SYT16: variants seen among roughly 807,000 people sequenced by gnomAD.
SYT16 encodes the protein synaptotagmin 16.
In SYT16, 42 loss-of-function variants were observed where a neutral mutation model predicts 61.4. That is an observed-to-expected ratio of 0.68 (90% CI 0.53 to 0.89). The LOEUF (loss-of-function observed/expected upper bound fraction) is 0.89. SYT16 is among the 40% of genes least tolerant of loss of function. The pLI is 0.00. For missense variants in SYT16, 804 were observed against 807.3 expected (o/e 1.00, Z 0.05); for synonymous variants, 314 against 302.3 (o/e 1.04, Z -0.40).
intron 3 of SYT16, among the ~76,000 whole-genome samples, chr14:62,030,967 G>T (rs1315178367): frequency 6.6e-6 from 1 of 152,164 alleles, no homozygotes; most frequent in African/African-American, 2.4e-5. Flanking sequence ...TGCTAACTTA[G>T]CTGCCTCAGT....
intron 1 of SYT16, among the ~76,000 whole-genome samples, chr14:61,831,116 A>C (rs1329853507): frequency 1.3e-5 from 2 of 152,222 alleles, no homozygotes; most frequent in African/African-American, 4.8e-5. Flanking sequence ...GGTTGTCACA[A>C]CTGGAGGGTT....
At chr14:61,978,287 A>G (rs1393108066) in intron 2 of SYT16, among the ~76,000 whole-genome samples, 1 of 152,192 alleles carries the variant, frequency 6.6e-6, no homozygotes, top group Non-Finnish European at 1.5e-5. Flanking sequence ...TCAAATAAGG[A>G]GAGTTGATGA....
rs1416474055 is a variant in SYT16, at chr14:62,108,928, A to G, written c.*8221A>G. The stretch of plus-strand genomic sequence containing the variant: ...TTCACAGCAAAATTGATCCTAAAAT[A>G]TAGAGTTCTCATATACTCCAAACAC... On this transcript the variant is annotated 3_prime_UTR_variant, in exon 8 of 8. Coordinates refer to ENST00000683842, the MANE Select transcript of SYT16 (RefSeq NM_001367656.1). 1 of 152,204 alleles carries G rather than the reference A, an allele frequency of 6.6e-6. No individual in the cohort carries two copies. The highest frequency in any genetic ancestry group is 1.5e-5 in the Non-Finnish European group (1 of 68,036). The allele number at this position is 152,204 out of a possible 1,614,324, so 9.4% of individuals were successfully genotyped here.
chr14:61,837,989 A>G (rs541587637), intron 1 of SYT16, among the ~76,000 whole-genome samples: 33 of 152,240 alleles, frequency 2.2e-4, no homozygotes, highest in Non-Finnish European at 4.4e-4. Flanking sequence ...TATATATGCA[A>G]GAAATTTCGT....
chr14:61,888,791 A>G (rs1271660508), intron 1 of SYT16, among the ~76,000 whole-genome samples: 5 of 151,644 alleles, frequency 3.3e-5, no homozygotes, highest in South Asian at 4.2e-4. Flanking sequence ...AAAAAAAGCA[A>G]TATCTGTGAA....
At position 62,069,829 on chromosome 14, in the gene SYT16, C is replaced by T. The variant is rs780598561; in HGVS notation, c.736+14C>T. 1.2e-6 allele frequency: 2 copies of T among 1,612,608 alleles called. No individual in the cohort carries two copies. Among genetic ancestry groups the T allele is most frequent in the Admixed American group, 3.3e-5 (2 of 60,010 alleles). ...CTGCCTGCGAAGGTATCCTTTGCCT[C>T]ACATCCTTTCTTTAGACCAGGGATG... On this transcript the variant is annotated intron_variant, in intron 4 of 7. Transcript: ENST00000683842.
At chr14:62,065,445 T>A (rs1362080311) in intron 3 of SYT16, among the ~76,000 whole-genome samples, 1 of 152,166 alleles carries the variant, frequency 6.6e-6, no homozygotes, top group African/African-American at 2.4e-5. Context: ...TTATAACTAC[T>A]GTATGATTGT....
At chr14:61,981,408 G>A (rs919744599) in intron 2 of SYT16, among the ~76,000 whole-genome samples, 3 of 152,062 alleles carry the variant, frequency 2.0e-5, no homozygotes, top group Admixed American at 6.6e-5. Context: ...TTATGGTGGG[G>A]AGGTTGGGAA....
chr14:62,109,553 T>C lies in SYT16; in HGVS notation c.*8846T>C, dbSNP rs999809869. Reference sequence around the variant, plus strand: ...TAGAATAAATTTCACCTATATGATATTGAGCTTGTTTTACATTGGGGGAGG... The same window carrying C: ...TAGAATAAATTTCACCTATATGATACTGAGCTTGTTTTACATTGGGGGAGG... On this transcript the variant is annotated 3_prime_UTR_variant, in exon 8 of 8. Coordinates refer to ENST00000683842, the MANE Select transcript of SYT16 (RefSeq NM_001367656.1). The C allele has an allele frequency of 1.3e-5, 2 of 152,140 alleles. No individual in the cohort carries two copies. Among genetic ancestry groups the C allele is most frequent in the Non-Finnish European group, 2.9e-5 (2 of 68,030 alleles). 9.4% of individuals were successfully genotyped at this position (152,140 alleles called of 1,614,324 possible).
chr14:62,087,759 C>T (rs2056934504), intron 7 of SYT16, among the ~76,000 whole-genome samples: 1 of 151,574 alleles, frequency 6.6e-6, no homozygotes. Flanking sequence ...ACTGAACAAA[C>T]AGTAGATGAA....
At chr14:61,862,388 G>C (rs1258576107) in intron 1 of SYT16, among the ~76,000 whole-genome samples, 5 of 152,060 alleles carry the variant, frequency 3.3e-5, no homozygotes, top group African/African-American at 1.2e-4. Context: ...TTTGTGTCTG[G>C]CTTCTTTCAC....
chr14:61,847,144 T>C (rs936812363), intron 1 of SYT16, among the ~76,000 whole-genome samples: 1 of 152,210 alleles, frequency 6.6e-6, no homozygotes, highest in African/African-American at 2.4e-5. Flanking sequence ...TACCAGTGAG[T>C]TTTACACCTT....
chr14:61,834,213 C>T (rs569652456), intron 1 of SYT16, among the ~76,000 whole-genome samples: 1 of 152,044 alleles, frequency 6.6e-6, no homozygotes, highest in African/African-American at 2.4e-5. Flanking sequence ...TCACTGTAAC[C>T]TCCACCTCCC....
intron 1 of SYT16, chr14:61,832,083 CCCCTGTTCATCT>C: frequency 1.4e-6 from 1 of 726,880 alleles, no homozygotes; most frequent in South Asian, 1.4e-5. Context: ...CTCGTTCACG[CCCCTGTTCATCT>C]CAGCAAAGCT....
chr14:62,082,479 C>T (rs1399724525), intron 6 of SYT16, among the ~76,000 whole-genome samples: 1 of 152,174 alleles, frequency 6.6e-6, no homozygotes, highest in African/African-American at 2.4e-5. Context: ...CCTATTGGCT[C>T]TATCTTCAGG....
rs74057506 is a variant in SYT16 at position 61,822,769 on chromosome 14, C to T, written c.-325+9959C>T. On this transcript the variant is annotated intron_variant, in intron 1 of 7. Coordinates refer to ENST00000683842, the MANE Select transcript of SYT16 (RefSeq NM_001367656.1). ...AAAAATGAAAACACTCAAATTGTCT[C>T]ATTTTTGGAAAAATTAAAAAACACA... is the stretch of plus-strand genomic sequence containing the variant. Among the ~76,000 whole-genome samples, 879 of 152,244 alleles carry T rather than the reference C, an allele frequency of 5.8e-3. 5 individuals are homozygous for T. Among genetic ancestry groups the T allele is most frequent in the African/African-American group, 0.02 (839 of 41,532 alleles).
chr14:61,924,100 G>A (rs2049442948), intron 1 of SYT16, among the ~76,000 whole-genome samples: 1 of 152,180 alleles, frequency 6.6e-6, no homozygotes. Context: ...AAGTTGAAGT[G>A]GTGAGTCTTG....
intron 1 of SYT16, among the ~76,000 whole-genome samples, chr14:61,906,047 G>A (rs536886599): frequency 2.3e-4 from 35 of 152,278 alleles, no homozygotes; most frequent in Non-Finnish European, 3.4e-4. Flanking sequence ...GAGCCACCGC[G>A]CCCAGCCATG....
intron 7 of SYT16, among the ~76,000 whole-genome samples, chr14:62,091,121 T>TA (rs760269860): frequency 2.0e-5 from 3 of 152,180 alleles, no homozygotes; most frequent in Non-Finnish European, 2.9e-5. Flanking sequence ...ATAAAGATGT[T>TA]AAAAAACCCA....
Sources: allele counts gnomAD v4.1 joint callset (sites outside exome capture counted in the v4.1 genomes callset), GRCh38; gene constraint gnomAD v4.1.1; transcripts MANE v1.5; gene names NCBI Gene and HGNC (gene_info 2026-07-23, HGNC 2026-07-21).